The following FNIP2 variants were observed in gnomAD, a reference collection of about 807,000 sequenced individuals.
FNIP2 encodes folliculin-interacting protein 2.
Under a neutral mutation model 108.7 loss-of-function variants are expected in FNIP2, and 32 were observed. That is an observed-to-expected ratio of 0.29 (90% CI 0.22 to 0.40). FNIP2 has a LOEUF of 0.40. FNIP2 is among the 10% of genes least tolerant of loss of function. FNIP2 has a pLI of 1.00. For synonymous variants in FNIP2, 480 were observed against 496.7 expected (o/e 0.97, Z 0.45); for missense variants, 1,202 against 1,381.6 (o/e 0.87, Z 2.06).
In FNIP2 at chr4:158,907,561, A is replaced by G. The variant is rs985657450; in HGVS notation, c.*3017A>G. The G allele has an allele frequency of 6.6e-6, 1 of 152,210 alleles. No individual in the cohort carries two copies. Among genetic ancestry groups the G allele is most frequent in the Non-Finnish European group, 1.5e-5 (1 of 68,036 alleles). 9.4% of individuals were successfully genotyped at this position (152,210 alleles called of 1,614,324 possible). On this transcript the variant is annotated 3_prime_UTR_variant, in exon 17 of 17. Coordinates refer to ENST00000264433, the MANE Select transcript of FNIP2 (RefSeq NM_020840.3). Reference sequence around the variant, plus strand: ...TCTTCACTAGAGTTGGTTGTACATAAAAATAATAAAGAATATAAAGTATCC... The same window carrying G: ...TCTTCACTAGAGTTGGTTGTACATAGAAATAATAAAGAATATAAAGTATCC...
At chr4:158,815,709 C>T (rs1425357867) in intron 1 of FNIP2, among the ~76,000 whole-genome samples, 2 of 152,194 alleles carry the variant, frequency 1.3e-5, no homozygotes, top group East Asian at 3.8e-4. Context: ...ATTACCAATT[C>T]ATTGTTTTTC....
chr4:158,796,671 A>G (rs1776601256), intron 1 of FNIP2, among the ~76,000 whole-genome samples: 1 of 152,250 alleles, frequency 6.6e-6, no homozygotes, highest in Admixed American at 6.5e-5. Context: ...GTATATAAAA[A>G]TTAACACGTC....
chr4:158,898,459 C>G (rs1192948960), intron 16 of FNIP2, among the ~76,000 whole-genome samples: 1 of 152,156 alleles, frequency 6.6e-6, no homozygotes, highest in Non-Finnish European at 1.5e-5. Flanking sequence ...ATTGATTCTT[C>G]CTATCCATGA....
At chr4:158,871,359 A>G (rs1359323139) in intron 14 of FNIP2, 1 of 984,264 alleles carries the variant, frequency 1.0e-6, no homozygotes, top group African/African-American at 1.7e-5. Context: ...TCATCGCATT[A>G]AGAAAATCAG....
At chr4:158,790,187 A>G (rs1435649921) in intron 1 of FNIP2, among the ~76,000 whole-genome samples, 2 of 151,594 alleles carry the variant, frequency 1.3e-5, no homozygotes, top group African/African-American at 2.4e-5. Context: ...CATAATGTGT[A>G]TACAAATATT....
chr4:158,848,146 CG>C (rs537096480), intron 7 of FNIP2, among the ~76,000 whole-genome samples: 93 of 152,296 alleles, frequency 6.1e-4, no homozygotes, highest in African/African-American at 2.2e-3. Context: ...CAAATACAGG[CG>C]GTAACCAGGT....
chr4:158,863,396 A>C (rs971430451), intron 12 of FNIP2, among the ~76,000 whole-genome samples: 1 of 152,240 alleles, frequency 6.6e-6, no homozygotes, highest in Admixed American at 6.5e-5. Flanking sequence ...CTAAGTATAG[A>C]GAAGACTATC....
intron 7 of FNIP2, among the ~76,000 whole-genome samples, chr4:158,838,677 CATCTT>C (rs1778948827): frequency 6.6e-6 from 1 of 152,164 alleles, no homozygotes; most frequent in African/African-American, 2.4e-5. Flanking sequence ...CTATTATTAA[CATCTT>C]ATATTAGTAT....
At chr4:158,784,415 C>G (rs1278193302) in intron 1 of FNIP2, among the ~76,000 whole-genome samples, 1 of 152,190 alleles carries the variant, frequency 6.6e-6, no homozygotes, top group Non-Finnish European at 1.5e-5. Context: ...ACAATTTTTC[C>G]ACAGACAGTG....
intron 1 of FNIP2, among the ~76,000 whole-genome samples, chr4:158,790,265 AT>A (rs1776368666): frequency 6.6e-6 from 1 of 151,060 alleles, no homozygotes; most frequent in African/African-American, 2.4e-5. Flanking sequence ...GTTTTTTCAG[AT>A]TTTGGAATAT....
At chr4:158,797,438 A>T (rs1351171973) in intron 1 of FNIP2, among the ~76,000 whole-genome samples, 1 of 152,164 alleles carries the variant, frequency 6.6e-6, no homozygotes, top group Non-Finnish European at 1.5e-5. Flanking sequence ...GGTGGCTCAC[A>T]CCTATAATCT....
At chr4:158,800,543 G>A (rs1326474023) in intron 1 of FNIP2, among the ~76,000 whole-genome samples, 3 of 152,124 alleles carry the variant, frequency 2.0e-5, no homozygotes, top group Non-Finnish European at 2.9e-5. Flanking sequence ...AGGAAATCAA[G>A]TGATCATTAA....
At position 158,868,001 on chromosome 4, in the gene FNIP2, T is replaced by A. The variant is rs1272593222; in HGVS notation, c.1466-101T>A. ...ATGAGTCTGAAGCAGGGACTCCAGATTGGGAATATAAGTTATCTGTTTTGC... is the reference window on the plus strand; with the variant it reads ...ATGAGTCTGAAGCAGGGACTCCAGAATGGGAATATAAGTTATCTGTTTTGC... On this transcript the variant is annotated intron_variant, in intron 12 of 16. Coordinates refer to ENST00000264433, the MANE Select transcript of FNIP2 (RefSeq NM_020840.3). This position sits in a 1 kb window ranked among gnomAD's most constrained non-coding sequence, Gnocchi z 4.6. 1 of 1,461,508 alleles carries A rather than the reference T, an allele frequency of 6.8e-7. No individual in the cohort carries two copies. Among genetic ancestry groups the A allele is most frequent in the African/African-American group, 1.4e-5 (1 of 70,950 alleles). The allele number at this position is 1,461,508 out of a possible 1,614,324, so 90.5% of individuals were successfully genotyped here. A position where few individuals can be genotyped will look rare whatever the true frequency, so the allele number is the denominator to read the frequency against.
In FNIP2 at chr4:158,869,228, C is replaced by T. The variant is rs761717757; in HGVS notation, c.2592C>T (p.Leu864=). The T allele has an allele frequency of 3.0e-5, 49 of 1,613,894 alleles. 1 individual carries two copies. The highest frequency in any genetic ancestry group is 2.2e-4 in the South Asian group (20 of 91,080). Residue 864 remains leucine, a synonymous_variant, in exon 13 of 17, where the codon CTC becomes CTT. Coordinates refer to ENST00000264433, the MANE Select transcript of FNIP2 (RefSeq NM_020840.3). ...APRCVQRGPG[L]VAGANIPCGD... is the part of the protein sequence containing the mutation. Reference sequence around the variant, plus strand: ...GGTGTGTCCAGCGGGGCCCTGGCCTCGTGGCTGGTGCGAATATCCCCTGTG... The same window carrying T: ...GGTGTGTCCAGCGGGGCCCTGGCCTTGTGGCTGGTGCGAATATCCCCTGTG...
At chr4:158,775,292 T>C (rs1448565631) in intron 1 of FNIP2, among the ~76,000 whole-genome samples, 3 of 152,230 alleles carry the variant, frequency 2.0e-5, no homozygotes, top group Admixed American at 1.3e-4. Flanking sequence ...TTGTTAGGCC[T>C]GGACTATGAG....
intron 1 of FNIP2, among the ~76,000 whole-genome samples, chr4:158,790,617 C>T (rs746714320): frequency 2.0e-5 from 3 of 152,072 alleles, no homozygotes; most frequent in Non-Finnish European, 4.4e-5. Flanking sequence ...CATGGTGATG[C>T]ATGCCTGTAA....
intron 1 of FNIP2, among the ~76,000 whole-genome samples, chr4:158,808,370 C>T (rs1258324435): frequency 6.6e-6 from 1 of 152,162 alleles, no homozygotes; most frequent in Non-Finnish European, 1.5e-5. Context: ...CATTTTCATA[C>T]CTGTTATCCT....
At chr4:158,866,218 A>ATACTTTTTTTTTT (rs1780566466) in intron 12 of FNIP2, among the ~76,000 whole-genome samples, 1 of 12,362 alleles carries the variant, frequency 8.1e-5, no homozygotes, top group African/African-American at 1.9e-4. Context: ...TATTCTGGTT[A>ATACTTTTTTTTTT]TTCTTTTTTT....
At chr4:158,779,138 C>G (rs1278819155) in intron 1 of FNIP2, among the ~76,000 whole-genome samples, 1 of 152,120 alleles carries the variant, frequency 6.6e-6, no homozygotes, top group East Asian at 1.9e-4. Flanking sequence ...TTTTACAGCT[C>G]AATTTGGCTG....
Sources: allele counts gnomAD v4.1 joint callset (sites outside exome capture counted in the v4.1 genomes callset), GRCh38; gene constraint gnomAD v4.1.1; non-coding constraint Gnocchi (gnomAD v3.1); transcripts MANE v1.5; gene names NCBI Gene and HGNC (gene_info 2026-07-23, HGNC 2026-07-21).